Variants in RIN3 observed in about 807,000 individuals in gnomAD.
RIN3 encodes RAB5 interacting protein 3.
A neutral mutation model predicts 76.3 loss-of-function variants in RIN3; 54 were observed. That is an observed-to-expected ratio of 0.71 (90% CI 0.57 to 0.89). The LOEUF (loss-of-function observed/expected upper bound fraction) is 0.89. Ranked by LOEUF, RIN3 falls within the 40% of genes least tolerant of loss-of-function variation. The pLI, the probability that RIN3 is intolerant of heterozygous loss-of-function variation, is 0.00. For missense variants in RIN3, 1,256 were observed against 1,322.1 expected (o/e 0.95, Z 0.78); for synonymous variants, 576 against 564.0 (o/e 1.02, Z -0.30).
In RIN3 at chr14:92,515,157, C is replaced by T. The variant is rs183863548; in HGVS notation, c.44+1181C>T. The stretch of plus-strand genomic sequence containing the variant: ...TCCCTTCCCTTCTTCTCCCTCCATC[C>T]TGCCAGCCCGGAAATTCTGGATGCT... On this transcript the variant is annotated intron_variant, in intron 1 of 9. Coordinates refer to ENST00000216487, the MANE Select transcript of RIN3 (RefSeq NM_024832.5). The T allele has an allele frequency of 1.1e-4, 78 of 682,194 alleles. No individual in the cohort carries two copies. The African/African-American group carries it at 1.1e-3, about 10-fold the overall frequency. 42.3% of individuals were successfully genotyped at this position (682,194 alleles called of 1,614,324 possible). A position where few individuals can be genotyped will look rare whatever the true frequency, so the allele number is the denominator to read the frequency against.
intron 3 of RIN3, among the ~76,000 whole-genome samples, chr14:92,608,528 T>C (rs1025966202): frequency 1.4e-5 from 2 of 144,636 alleles, no homozygotes; most frequent in African/African-American, 2.5e-5. Flanking sequence ...AATTTCTCTC[T>C]CTCTTTTTTA....
At chr14:92,651,498 G>GGGCC in intron 5 of RIN3, 84 bp from the exon 6 acceptor site, 1 of 707,776 alleles carries the variant, frequency 1.4e-6, no homozygotes, top group African/African-American at 1.8e-5. Context: ...CCCACCCGTG[G>GGGCC]ACCCCGCCCA....
At chr14:92,665,022 A>G (rs893914573) in intron 7 of RIN3, among the ~76,000 whole-genome samples, 3 of 152,188 alleles carry the variant, frequency 2.0e-5, no homozygotes, top group Non-Finnish European at 4.4e-5. Context: ...TGGCTGAATG[A>G]TGGAAATAGA....
At chr14:92,578,976 G>A (rs1272954826) in intron 3 of RIN3, among the ~76,000 whole-genome samples, 1 of 151,338 alleles carries the variant, frequency 6.6e-6, no homozygotes. Flanking sequence ...TGCCCAGGTT[G>A]GAGTACAATG....
intron 1 of RIN3, among the ~76,000 whole-genome samples, chr14:92,550,461 T>C (rs1461276169): frequency 6.6e-5 from 10 of 152,186 alleles, no homozygotes; most frequent in Non-Finnish European, 1.5e-5. Context: ...TTACCCAGGC[T>C]GGAATGCAAT....
chr14:92,573,798 A>T (rs535682535), intron 2 of RIN3, among the ~76,000 whole-genome samples: 2 of 152,326 alleles, frequency 1.3e-5, no homozygotes, highest in East Asian at 3.9e-4. Context: ...AGGCAGCTCC[A>T]CCTTGAACCT....
chr14:92,661,372 C>A (rs1037102700), intron 7 of RIN3, among the ~76,000 whole-genome samples: 3 of 152,290 alleles, frequency 2.0e-5, no homozygotes, highest in African/African-American at 7.2e-5. Context: ...GGACACAATT[C>A]CAGGTTGGAG....
chr14:92,661,700 G>A (rs1887884618), intron 7 of RIN3, among the ~76,000 whole-genome samples: 1 of 147,462 alleles, frequency 6.8e-6, no homozygotes, highest in Non-Finnish European at 1.5e-5. Context: ...TTCCAGCCTG[G>A]GTGGTGACAG....
At chr14:92,524,119 T>C (rs1339824690) in intron 1 of RIN3, among the ~76,000 whole-genome samples, 9 of 152,134 alleles carry the variant, frequency 5.9e-5, no homozygotes, top group African/African-American at 2.2e-4. Flanking sequence ...TCTCGAGCCC[T>C]GGAGTTCAAG....
At chr14:92,661,758 C>CACAAAAA (rs373869994) in intron 7 of RIN3, among the ~76,000 whole-genome samples, 7 of 133,240 alleles carry the variant, frequency 5.3e-5, no homozygotes, top group Middle Eastern at 3.6e-3. Context: ...CACACACACA[C>CACAAAAA]AAAAAATAGA....
chr14:92,618,427 C>T (rs962579694), intron 4 of RIN3, among the ~76,000 whole-genome samples: 2 of 152,050 alleles, frequency 1.3e-5, no homozygotes, highest in African/African-American at 4.8e-5. Flanking sequence ...ATGGAGGGAC[C>T]CTTCACAGTT....
chr14:92,637,448 G>T (rs1231033097), intron 4 of RIN3, among the ~76,000 whole-genome samples: 2 of 152,152 alleles, frequency 1.3e-5, no homozygotes, highest in East Asian at 1.9e-4. Flanking sequence ...TTGCTCACTC[G>T]CCCGCTGCTC....
chr14:92,514,111 A>T lies in RIN3; in HGVS notation c.44+135A>T, dbSNP rs1896370859. On this transcript the variant is annotated intron_variant, in intron 1 of 9. Transcript: ENST00000216487. This position sits in a 1 kb window ranked among gnomAD's most constrained non-coding sequence, Gnocchi z 7.2. ...GTTGTCGGGCTGATACGGGACCCCC[A>T]CCGTGGCCGAGGCCAGAACCTGGTT... 1 of 601,154 alleles carries T rather than the reference A, an allele frequency of 1.7e-6. No homozygotes were observed. 37.2% of individuals were successfully genotyped at this position (601,154 alleles called of 1,614,324 possible).
At chr14:92,680,970 C>A (rs1202411717) in intron 8 of RIN3, among the ~76,000 whole-genome samples, 1 of 152,150 alleles carries the variant, frequency 6.6e-6, no homozygotes, top group African/African-American at 2.4e-5. Flanking sequence ...TCCCCCCACC[C>A]CCTGCCCCTG....
chr14:92,551,654 G>A lies in RIN3; in HGVS notation c.45-4097G>A, dbSNP rs138710369. Among the ~76,000 whole-genome samples the A allele has an allele frequency of 4.0e-3, 612 of 152,302 alleles. 9 individuals carry two copies. The highest frequency in any genetic ancestry group is 0.014 in the Middle Eastern group (4 of 294). Reference sequence around the variant, plus strand: ...TAATTTTAGCCATTCTAGTGGTTGTGCCGTGGTATCGCATTGTGGTTTTAA... The same window carrying A: ...TAATTTTAGCCATTCTAGTGGTTGTACCGTGGTATCGCATTGTGGTTTTAA... On this transcript the variant is annotated intron_variant, in intron 1 of 9. Coordinates refer to ENST00000216487, the MANE Select transcript of RIN3 (RefSeq NM_024832.5).
chr14:92,659,099 G>T, intron 6 of RIN3, 62 bp from the exon 7 acceptor site: 1 of 1,527,424 alleles, frequency 6.5e-7, no homozygotes, highest in Non-Finnish European at 9.0e-7. Flanking sequence ...TTGGGCAACA[G>T]AACCAGGTGG....
intron 7 of RIN3, among the ~76,000 whole-genome samples, chr14:92,670,407 T>C (rs995579003): frequency 4.6e-5 from 7 of 152,256 alleles, no homozygotes; most frequent in Admixed American, 2.0e-4. Flanking sequence ...GATGTTCAGC[T>C]CACAGGAGAA....
chr14:92,676,405 A>G, intron 7 of RIN3, 70 bp from the exon 8 acceptor site: 1 of 1,571,602 alleles, frequency 6.4e-7, no homozygotes, highest in Non-Finnish European at 8.7e-7. Flanking sequence ...ACTGTCCCCT[A>G]CCCTGGGCAG....
chr14:92,591,680 A>G (rs1475850030), intron 3 of RIN3, among the ~76,000 whole-genome samples: 2 of 152,184 alleles, frequency 1.3e-5, no homozygotes, highest in African/African-American at 2.4e-5. Flanking sequence ...AGTGGAGTGA[A>G]ATATTTAGTA....
Sources: gnomAD v4.1 joint callset for allele counts (sites outside exome capture counted in the v4.1 genomes callset) on GRCh38, gnomAD v4.1.1 for gene constraint, Gnocchi (gnomAD v3.1) non-coding constraint, MANE v1.5 for transcripts, NCBI Gene and HGNC (gene_info 2026-07-23, HGNC 2026-07-21) for gene names.